Variants in TAOK3 observed in about 807,000 individuals in gnomAD.
The protein encoded by TAOK3 is TAO kinase 3, also known as serine/threonine-protein kinase TAO3.
A neutral mutation model predicts 120.4 loss-of-function variants in TAOK3; 40 were observed. That is an observed-to-expected ratio of 0.33 (90% CI 0.26 to 0.43). The LOEUF (loss-of-function observed/expected upper bound fraction) is 0.43. TAOK3 is among the 20% of genes least tolerant of loss of function. The pLI is 1.00. For missense variants in TAOK3, 821 were observed against 1,112.1 expected, an observed-to-expected ratio of 0.74 and a Z score of 3.72; for synonymous variants, 355 against 387.5, an observed-to-expected ratio of 0.92 and a Z score of 0.99.
chr12:118,313,496 C>CA (rs2140877541), intron 1 of TAOK3, among the ~76,000 whole-genome samples: 2 of 152,324 alleles, frequency 1.3e-5, no homozygotes, highest in South Asian at 4.1e-4. Flanking sequence ...AGGCTGGTCT[C>CA]AAACTCCTGA....
At position 118,259,465 on chromosome 12, in the gene TAOK3, C is replaced by T. The variant is rs149324460; in HGVS notation, c.-88-3810G>A. ...CTGAGGTGGAAAGACCACCAGAGCC[C>T]GGAGATCAAGGATGCAGTGAGTCAA... On this transcript the variant is annotated intron_variant, in intron 2 of 20. Coordinates refer to ENST00000392533, the MANE Select transcript of TAOK3 (RefSeq NM_016281.4). Among the ~76,000 whole-genome samples, 900 of 152,094 alleles carry T rather than the reference C, an allele frequency of 5.9e-3. 31 individuals carry two copies. The South Asian group carries it at 0.075, about 13-fold the overall frequency.
At chr12:118,319,518 T>C (rs777271704) in intron 1 of TAOK3, among the ~76,000 whole-genome samples, 2 of 152,046 alleles carry the variant, frequency 1.3e-5, no homozygotes, top group African/African-American at 4.8e-5. Flanking sequence ...AAATGAGAAC[T>C]AGAAAACTTA....
intron 13 of TAOK3, among the ~76,000 whole-genome samples, chr12:118,193,759 A>G (rs1333951494): frequency 6.6e-6 from 1 of 152,076 alleles, no homozygotes; most frequent in Non-Finnish European, 1.5e-5. Context: ...ACTTGCCTAC[A>G]GTTTCTAAAT....
At chr12:118,178,792 A>T (rs1445630194) in intron 15 of TAOK3, among the ~76,000 whole-genome samples, 1 of 152,214 alleles carries the variant, frequency 6.6e-6, no homozygotes, top group African/African-American at 2.4e-5. Context: ...GTCACACATC[A>T]TGACATTTTT....
At chr12:118,364,298 G>A (rs919752838) in intron 1 of TAOK3, among the ~76,000 whole-genome samples, 2 of 152,124 alleles carry the variant, frequency 1.3e-5, no homozygotes, top group African/African-American at 2.4e-5. Flanking sequence ...GAATGAAAAC[G>A]AAAAGGAGAC....
intron 1 of TAOK3, among the ~76,000 whole-genome samples, chr12:118,368,196 GTTA>G (rs1208255637): frequency 6.6e-6 from 1 of 152,088 alleles, no homozygotes; most frequent in Non-Finnish European, 1.5e-5. Context: ...ACGACTTTTG[GTTA>G]TTATTATTAT....
At chr12:118,207,811 G>C (rs1285115924) in intron 11 of TAOK3, among the ~76,000 whole-genome samples, 1 of 151,364 alleles carries the variant, frequency 6.6e-6, no homozygotes. Context: ...AGTGAGACGA[G>C]ATCGCGCCAC....
At chr12:118,227,638 A>T (rs2039571451) in intron 9 of TAOK3, among the ~76,000 whole-genome samples, 1 of 152,164 alleles carries the variant, frequency 6.6e-6, no homozygotes. Flanking sequence ...TTTTACTTAG[A>T]TGAGAAACTG....
chr12:118,318,158 C>CTTT (rs766334747), intron 1 of TAOK3, among the ~76,000 whole-genome samples: 5 of 133,284 alleles, frequency 3.8e-5, no homozygotes, highest in African/African-American at 1.4e-4. Flanking sequence ...AGCTATAAAA[C>CTTT]TTTTTTTTTT....
intron 11 of TAOK3, among the ~76,000 whole-genome samples, chr12:118,208,372 C>G (rs2139402823): frequency 6.6e-6 from 1 of 152,112 alleles, no homozygotes; most frequent in African/African-American, 2.4e-5. Flanking sequence ...CATAACTCTC[C>G]CCACCTCCTT....
At chr12:118,174,756 G>A (rs2036218835) in intron 16 of TAOK3, among the ~76,000 whole-genome samples, 2 of 151,702 alleles carry the variant, frequency 1.3e-5, no homozygotes, top group Non-Finnish European at 2.9e-5. Context: ...TCTGCCTCCT[G>A]TATTCAAGCA....
At chr12:118,318,390 T>C (rs989303531) in intron 1 of TAOK3, among the ~76,000 whole-genome samples, 8 of 152,062 alleles carry the variant, frequency 5.3e-5, no homozygotes, top group African/African-American at 1.7e-4. Flanking sequence ...TTTCTAGACC[T>C]CGTGATCTGC....
chr12:118,153,231 AC>A (rs973078296), intron 19 of TAOK3, among the ~76,000 whole-genome samples: 2 of 151,984 alleles, frequency 1.3e-5, no homozygotes, highest in Non-Finnish European at 2.9e-5. Context: ...ATATTGTGAG[AC>A]CCCCATCTAT....
intron 1 of TAOK3, among the ~76,000 whole-genome samples, chr12:118,292,049 T>C (rs974243298): frequency 6.6e-5 from 10 of 151,968 alleles, no homozygotes; most frequent in African/African-American, 2.2e-4. Flanking sequence ...CCTCGTGATC[T>C]GCTGGCCTTG....
chr12:118,330,302 T>G (rs1377171390), intron 1 of TAOK3, among the ~76,000 whole-genome samples: 1 of 152,360 alleles, frequency 6.6e-6, no homozygotes, highest in South Asian at 2.1e-4. Flanking sequence ...TGAGGTCTGA[T>G]AGGTCTTTAC....
chr12:118,251,914 C>T (rs955048308), intron 3 of TAOK3, among the ~76,000 whole-genome samples: 13 of 152,040 alleles, frequency 8.6e-5, no homozygotes, highest in Admixed American at 3.3e-4. Flanking sequence ...CTCCACCTCC[C>T]GGGTTCATGC....
At chr12:118,268,020 T>C (rs1303886903) in intron 1 of TAOK3, among the ~76,000 whole-genome samples, 4 of 152,146 alleles carry the variant, frequency 2.6e-5, no homozygotes, top group African/African-American at 9.7e-5. Flanking sequence ...GAGATCACAT[T>C]ATATGTGTAA....
intron 1 of TAOK3, among the ~76,000 whole-genome samples, chr12:118,319,109 A>G (rs2043593943): frequency 6.6e-6 from 1 of 152,222 alleles, no homozygotes; most frequent in South Asian, 2.1e-4. Flanking sequence ...GAAGATACAA[A>G]TTATCAGCTG....
chr12:118,201,811 T>G (rs541918807), intron 11 of TAOK3, among the ~76,000 whole-genome samples: 1 of 152,310 alleles, frequency 6.6e-6, no homozygotes, highest in East Asian at 1.9e-4. Flanking sequence ...TAGTTACTTC[T>G]TGGTGGCAAA....
Sources: allele counts gnomAD v4.1 joint callset (sites outside exome capture counted in the v4.1 genomes callset), GRCh38; gene constraint gnomAD v4.1.1; transcripts MANE v1.5; gene names NCBI Gene and HGNC (gene_info 2026-07-23, HGNC 2026-07-21).